ZNF341: variants seen among roughly 807,000 people sequenced by gnomAD.
The protein encoded by ZNF341 is zinc finger protein 341.
Under a neutral mutation model 87.7 loss-of-function variants are expected in ZNF341, and 52 were observed. The observed-to-expected ratio is 0.59, with a 90% CI of 0.47 to 0.75. The LOEUF is 0.75. ZNF341 is among the 30% of genes least tolerant of loss of function. ZNF341 has a pLI of 0.00. For synonymous variants in ZNF341, 459 were observed against 472.7 expected (o/e 0.97, Z 0.38); for missense variants, 977 against 1,145.9 (o/e 0.85, Z 2.13).
intron 5 of ZNF341, among the ~76,000 whole-genome samples, chr20:33,753,687 A>C (rs1283946147): frequency 6.6e-6 from 1 of 152,218 alleles, no homozygotes; most frequent in Non-Finnish European, 1.5e-5. Flanking sequence ...GCCTGCAGGT[A>C]ATGCTCAGAA....
rs2018573665 is a variant in ZNF341, at chr20:33,732,055, G to A, written c.31+3G>A. ...GGCGATCTTTGAGGCCCTGGAGGGT[G>A]AGCGGCGGCGGGGCCGGCGGAGGCG... On this transcript the variant is annotated splice_donor_region_variant and intron_variant, in intron 1 of 14. Coordinates refer to ENST00000375200, the MANE Select transcript of ZNF341 (RefSeq NM_001282933.2). The surrounding 1 kb of genome is among the most constrained non-coding windows in gnomAD (Gnocchi z 4.5). 4 of 1,290,022 alleles carry A rather than the reference G, an allele frequency of 3.1e-6. No homozygotes were observed. Among genetic ancestry groups the A allele is most frequent in the Admixed American group, 4.1e-5 (1 of 24,336 alleles). 79.9% of individuals were successfully genotyped at this position (1,290,022 alleles called of 1,614,324 possible).
At chr20:33,740,020 A>G in intron 1 of ZNF341, among the ~76,000 whole-genome samples, 1 of 152,064 alleles carries the variant, frequency 6.6e-6, no homozygotes, top group Non-Finnish European at 1.5e-5. Flanking sequence ...ACACACCACC[A>G]CGCCCAGCTA....
chr20:33,738,511 G>A (rs550153463), intron 1 of ZNF341, among the ~76,000 whole-genome samples: 2 of 152,268 alleles, frequency 1.3e-5, no homozygotes, highest in South Asian at 2.1e-4. Flanking sequence ...CTTGGCCCAA[G>A]CCCAGGGATT....
chr20:33,764,061 G>GT (rs1473025445), intron 8 of ZNF341, among the ~76,000 whole-genome samples: 1 of 133,644 alleles, frequency 7.5e-6, no homozygotes, highest in African/African-American at 2.8e-5. Context: ...GTCTCACTCT[G>GT]TTGCCCAGGC....
chr20:33,771,563 A>T (rs548969354), intron 10 of ZNF341, among the ~76,000 whole-genome samples: 4 of 152,096 alleles, frequency 2.6e-5, no homozygotes, highest in African/African-American at 9.6e-5. Flanking sequence ...TGATTCTTAG[A>T]ATGAACAAGG....
intron 11 of ZNF341, among the ~76,000 whole-genome samples, chr20:33,782,679 C>T (rs1418730018): frequency 6.6e-6 from 1 of 152,110 alleles, no homozygotes; most frequent in Non-Finnish European, 1.5e-5. Context: ...GGTGGGGAAA[C>T]CAAGGCAGAA....
intron 9 of ZNF341, among the ~76,000 whole-genome samples, chr20:33,769,595 G>T (rs1428707852): frequency 6.6e-6 from 1 of 152,148 alleles, no homozygotes; most frequent in Non-Finnish European, 1.5e-5. Flanking sequence ...GACTGGCTGA[G>T]AGGAGGGAAC....
chr20:33,765,943 C>T (rs571864530), intron 8 of ZNF341, among the ~76,000 whole-genome samples: 99 of 152,244 alleles, frequency 6.5e-4, no homozygotes, highest in Middle Eastern at 3.4e-3. Context: ...AGTGCAATGG[C>T]GCAATATTGG....
chr20:33,749,380 C>T (rs2019009228), intron 4 of ZNF341, among the ~76,000 whole-genome samples: 1 of 152,078 alleles, frequency 6.6e-6, no homozygotes, highest in African/African-American at 2.4e-5. Context: ...GCAACCTCTG[C>T]CTCCTGGGTT....
intron 6 of ZNF341, among the ~76,000 whole-genome samples, chr20:33,757,971 G>T (rs1350735955): frequency 6.6e-6 from 1 of 152,270 alleles, no homozygotes; most frequent in Non-Finnish European, 1.5e-5. Context: ...GCAGGCAGCA[G>T]ATGGAGAGGA....
chr20:33,735,624 T>A (rs1009746120), intron 1 of ZNF341, among the ~76,000 whole-genome samples: 2 of 152,222 alleles, frequency 1.3e-5, no homozygotes, highest in African/African-American at 4.8e-5. Context: ...ACCCTGCATT[T>A]GTTTAAATTT....
chr20:33,737,921 T>C (rs1294196497), intron 1 of ZNF341, among the ~76,000 whole-genome samples: 1 of 152,006 alleles, frequency 6.6e-6, no homozygotes, highest in Non-Finnish European at 1.5e-5. Flanking sequence ...GCAGATCACC[T>C]GAGGTCAGGA....
chr20:33,751,637 A>G (rs1226302953), intron 4 of ZNF341, among the ~76,000 whole-genome samples: 1 of 152,068 alleles, frequency 6.6e-6, no homozygotes. Context: ...GCAGTGGTGC[A>G]ATTTCGGCTC....
At chr20:33,783,620 A>G in intron 11 of ZNF341, 112 bp from the exon 12 acceptor site, 2 of 1,485,532 alleles carry the variant, frequency 1.3e-6, no homozygotes, top group Non-Finnish European at 1.9e-6. Flanking sequence ...CCTGATAGCC[A>G]GAAAGGAAGG....
chr20:33,750,192 A>G (rs1447584075), intron 4 of ZNF341, among the ~76,000 whole-genome samples: 4 of 152,086 alleles, frequency 2.6e-5, no homozygotes, highest in Non-Finnish European at 5.9e-5. Flanking sequence ...CCTGGGCTCA[A>G]GGGATCCTCT....
In ZNF341 at chr20:33,757,311, G is replaced by A. The variant is rs756363138; in HGVS notation, c.905G>A (p.Arg302Gln). ...GACTCTCCAGCAACGCTGAAGACCC[G>A]ACGAGCTAAAGGTGCCAGGGGACTC... ...TFDSPATLKT[R>Q]RAKGARGLPE... The change falls in exon 6 of 15, where the codon CGA becomes CAA. Residue 302 changes from arginine to glutamine, a missense_variant. By Grantham distance (43) the Arg-to-Gln change is conservative. Coordinates refer to ENST00000375200, the MANE Select transcript of ZNF341 (RefSeq NM_001282933.2). The A allele has an allele frequency of 2.5e-5, 40 of 1,584,512 alleles. No homozygotes were observed. The highest frequency in any genetic ancestry group is 1.7e-4 in the Middle Eastern group (1 of 5,982).
intron 1 of ZNF341, among the ~76,000 whole-genome samples, chr20:33,739,215 G>A (rs545279702): frequency 6.6e-5 from 10 of 152,202 alleles, no homozygotes; most frequent in African/African-American, 2.2e-4. Flanking sequence ...TGATTCACCC[G>A]CCCCTGCCTC....
rs532396534 is a variant in ZNF341, at chr20:33,752,524, C to G, written c.490-648C>G. 83 of 467,900 alleles carry G rather than the reference C, an allele frequency of 1.8e-4. No homozygotes were observed. In the East Asian group the frequency reaches 3.6e-3, roughly 21 times the overall value. The allele number at this position is 467,900 out of a possible 1,614,324, so 29.0% of individuals were successfully genotyped here. On this transcript the variant is annotated intron_variant, in intron 4 of 14. Transcript: ENST00000375200. ...CGAATGACCCTTTTTCTTCTCGCCA[C>G]CCTTCTTTCTGGGAGCCATTCTGCT... is the stretch of plus-strand genomic sequence containing the variant.
intron 3 of ZNF341, among the ~76,000 whole-genome samples, chr20:33,747,739 G>C (rs1475301857): frequency 7.0e-6 from 1 of 142,076 alleles, no homozygotes. Context: ...TTGAGACAAG[G>C]TCTTACTGTC....
Sources: allele counts gnomAD v4.1 joint callset (sites outside exome capture counted in the v4.1 genomes callset), GRCh38; gene constraint gnomAD v4.1.1; non-coding constraint Gnocchi (gnomAD v3.1); transcripts MANE v1.5; gene names NCBI Gene and HGNC (gene_info 2026-07-23, HGNC 2026-07-21).